Variants in GABRG1 observed in about 807,000 individuals in gnomAD.
GABRG1 encodes gamma-aminobutyric acid receptor subunit gamma-1.
GABRG1 carries 49 observed loss-of-function variants against 49.8 expected under a neutral mutation model. The observed-to-expected ratio is 0.98, with a 90% confidence interval of 0.78 to 1.25. GABRG1 has a LOEUF of 1.25. GABRG1 is among the 50% of genes most tolerant of loss of function. The pLI is 0.00. For synonymous variants in GABRG1, 232 were observed against 185.1 expected (o/e 1.25, Z -2.06); for missense variants, 552 against 552.3 (o/e 1.00, Z 0.01).
At chr4:46,057,665 G>A (rs1316951108) in intron 7 of GABRG1, among the ~76,000 whole-genome samples, 1 of 152,010 alleles carries the variant, frequency 6.6e-6, no homozygotes, top group Non-Finnish European at 1.5e-5. Flanking sequence ...GCAACTACAG[G>A]CAACTCTCAA....
chr4:46,061,674 T>C (rs1166753412), intron 5 of GABRG1, among the ~76,000 whole-genome samples: 2 of 151,910 alleles, frequency 1.3e-5, no homozygotes, highest in Non-Finnish European at 1.5e-5. Flanking sequence ...ATACCAGGTT[T>C]TTTTTTAGGA....
At chr4:46,052,773 C>T (rs1718279990) in intron 7 of GABRG1, among the ~76,000 whole-genome samples, 1 of 151,826 alleles carries the variant, frequency 6.6e-6, no homozygotes, top group Non-Finnish European at 1.5e-5. Context: ...AGAGTGACAA[C>T]ATTTATGATG....
At chr4:46,076,363 A>T (rs1399752921) in intron 3 of GABRG1, among the ~76,000 whole-genome samples, 12 of 37,356 alleles carry the variant, frequency 3.2e-4, no homozygotes, top group Non-Finnish European at 4.2e-4. Flanking sequence ...GGTCATGTTC[A>T]TATATATATA....
At chr4:46,045,168 G>T (rs1279404795) in intron 8 of GABRG1, among the ~76,000 whole-genome samples, 1 of 152,014 alleles carries the variant, frequency 6.6e-6, no homozygotes, top group Non-Finnish European at 1.5e-5. Context: ...TAGGAAATAT[G>T]AGAAAATAAA....
At chr4:46,071,412 T>C (rs1719116631) in intron 3 of GABRG1, among the ~76,000 whole-genome samples, 1 of 149,052 alleles carries the variant, frequency 6.7e-6, no homozygotes, top group Non-Finnish European at 1.5e-5. Context: ...TAAATGAAAA[T>C]ACACACACAT....
At chr4:46,084,189 C>A (rs1675220402) in intron 2 of GABRG1, 136 bp from the exon 3 acceptor site, 3 of 594,580 alleles carry the variant, frequency 5.0e-6, no homozygotes, top group Non-Finnish European at 6.0e-6. Flanking sequence ...TTATGAAATG[C>A]AGAAATGTAG....
At chr4:46,111,601 G>T (rs1302396561) in intron 1 of GABRG1, among the ~76,000 whole-genome samples, 1 of 151,170 alleles carries the variant, frequency 6.6e-6, no homozygotes, top group African/African-American at 2.4e-5. Context: ...TATATGAAAA[G>T]GCTGCAGTAA....
At chr4:46,047,920 T>A (rs1560348130) in intron 8 of GABRG1, among the ~76,000 whole-genome samples, 2 of 152,012 alleles carry the variant, frequency 1.3e-5, no homozygotes, top group Non-Finnish European at 2.9e-5. Context: ...CTCCATAATG[T>A]CTCGTCCATA....
chr4:46,047,855 A>T (rs1239746122), intron 8 of GABRG1, among the ~76,000 whole-genome samples: 1 of 151,980 alleles, frequency 6.6e-6, no homozygotes, highest in Non-Finnish European at 1.5e-5. Context: ...GCATTTTTTC[A>T]CAACTGGATG....
rs1325777064 is a variant in GABRG1 at position 46,038,975 on chromosome 4, T to G, written c.*2013A>C. On this transcript the variant is annotated 3_prime_UTR_variant, in exon 9 of 9. Transcript: ENST00000295452. ...GCTATTTATATCAAGCACTTTTAAG[T>G]ATTTTAAAATACAGTCATGCTCAGA... 6.6e-6 allele frequency: 1 copy of G among 151,716 alleles called. No individual in the cohort carries two copies. Among genetic ancestry groups the G allele is most frequent in the Non-Finnish European group, 1.5e-5 (1 of 67,704 alleles). 9.4% of individuals were successfully genotyped at this position (151,716 alleles called of 1,614,324 possible).
At chr4:46,122,384 T>C (rs548185490) in intron 1 of GABRG1, among the ~76,000 whole-genome samples, 2 of 152,152 alleles carry the variant, frequency 1.3e-5, no homozygotes, top group Non-Finnish European at 1.5e-5. Flanking sequence ...TGTAATATTA[T>C]GATGTATGTG....
At chr4:46,043,310 T>C (rs1331076364) in intron 8 of GABRG1, among the ~76,000 whole-genome samples, 4 of 151,968 alleles carry the variant, frequency 2.6e-5, no homozygotes, top group Non-Finnish European at 5.9e-5. Flanking sequence ...GAGAGTATCA[T>C]GGAGAGTTCT....
chr4:46,066,228 C>T (rs1718916068), intron 3 of GABRG1, among the ~76,000 whole-genome samples: 1 of 151,998 alleles, frequency 6.6e-6, no homozygotes, highest in Admixed American at 6.6e-5. Context: ...CAGTTTAAGT[C>T]ACATAAACAA....
chr4:46,051,707 G>A (rs148322075), intron 7 of GABRG1, 69 bp from the exon 8 acceptor site: 3 of 949,732 alleles, frequency 3.2e-6, no homozygotes, highest in African/African-American at 1.7e-5. Flanking sequence ...ATCTGATTTG[G>A]CAATATTGTG....
chr4:46,082,701 C>T (rs1560363508), intron 3 of GABRG1, among the ~76,000 whole-genome samples: 2 of 151,642 alleles, frequency 1.3e-5, no homozygotes, highest in African/African-American at 4.8e-5. Flanking sequence ...ATTTGTAACT[C>T]ATTATCATTC....
In GABRG1 at chr4:46,058,351, G is replaced by A. The variant is rs1000210963; in HGVS notation, c.782C>T (p.Thr261Ile). Residue 261 changes from threonine (T) to isoleucine (I), a missense_variant, in exon 7 of 9, where the codon ACA becomes ATA. Transcript: ENST00000295452. ...TCTTCTGCTCAGGTCAAAAAAAATTGTCATGATAACATAATCCCCTGTAAG... is the reference window on the plus strand; with the variant it reads ...TCTTCTGCTCAGGTCAAAAAAAATTATCATGATAACATAATCCCCTGTAAG... ...HTISGDYVIM[T>I]IFFDLSRRMG... 3 of 1,611,194 alleles carry A rather than the reference G, an allele frequency of 1.9e-6. No homozygotes were observed. Among genetic ancestry groups the A allele is most frequent in the African/African-American group, 2.7e-5 (2 of 74,734 alleles).
chr4:46,043,378 C>T (rs564777743), intron 8 of GABRG1, among the ~76,000 whole-genome samples: 2 of 151,706 alleles, frequency 1.3e-5, no homozygotes, highest in Non-Finnish European at 2.9e-5. Flanking sequence ...CCACCCCATC[C>T]CCTCAAAACT....
chr4:46,071,265 C>T (rs1053594355), intron 3 of GABRG1, among the ~76,000 whole-genome samples: 1 of 151,756 alleles, frequency 6.6e-6, no homozygotes, highest in Non-Finnish European at 1.5e-5. Flanking sequence ...TAATTTCTAT[C>T]ATTATTTCAG....
chr4:46,113,962 G>A (rs6813633), intron 1 of GABRG1, among the ~76,000 whole-genome samples: 84,188 of 150,740 alleles, frequency 0.56, 24,924 homozygotes, highest in African/African-American at 0.75. Flanking sequence ...AGTAGAAGAT[G>A]CAATATACTC....
Sources: allele counts gnomAD v4.1 joint callset (sites outside exome capture counted in the v4.1 genomes callset), GRCh38; gene constraint gnomAD v4.1.1; transcripts MANE v1.5; gene names NCBI Gene and HGNC (gene_info 2026-07-23, HGNC 2026-07-21).